KLF12: variants seen among roughly 807,000 people sequenced by gnomAD.
KLF12 encodes KLF transcription factor 12, also known as Krueppel-like factor 12.
Under a neutral mutation model 37.8 loss-of-function variants are expected in KLF12, and 9 were observed. The ratio of observed to expected loss-of-function variants is 0.24; its 90% CI spans 0.14 to 0.42. KLF12 has a LOEUF of 0.42. Ranked by LOEUF, KLF12 falls within the 10% of genes least tolerant of loss-of-function variation. KLF12 has a pLI of 1.00. For missense variants in KLF12, 411 were observed against 516.0 expected, an observed-to-expected ratio of 0.80 and a Z score of 1.97; for synonymous variants, 208 against 202.1, an observed-to-expected ratio of 1.03 and a Z score of -0.25.
intron 4 of KLF12, among the ~76,000 whole-genome samples, chr13:73,822,578 A>G (rs941120506): frequency 2.6e-5 from 4 of 152,204 alleles, no homozygotes; most frequent in African/African-American, 7.2e-5. Context: ...AAAAAATAAT[A>G]ATAAAATATA....
intron 3 of KLF12, among the ~76,000 whole-genome samples, chr13:73,893,725 AT>A (rs1246231304): frequency 6.6e-6 from 1 of 152,080 alleles, no homozygotes; most frequent in Admixed American, 6.6e-5. Flanking sequence ...TTCTATACAG[AT>A]TTTTTTAAAT....
chr13:73,832,112 T>C (rs1884192326), intron 4 of KLF12, among the ~76,000 whole-genome samples: 3 of 152,324 alleles, frequency 2.0e-5, no homozygotes, highest in South Asian at 4.1e-4. Flanking sequence ...GTACATGTAA[T>C]GTAGACAACA....
rs774208211 is a variant in KLF12, at chr13:74,059,730, C to A, written c.-31-64677G>T. Among the ~76,000 whole-genome samples, 9 of 152,144 alleles carry A rather than the reference C, an allele frequency of 5.9e-5. No individual in the cohort carries two copies. In the South Asian group the frequency reaches 8.3e-4, roughly 14 times the overall value. ...ATGTTTTCTCCCATTCTGTAGATTG[C>A]CTGTTTATTTTGTTGATTATTTCTT... On this transcript the variant is annotated intron_variant, in intron 1 of 7. Coordinates refer to ENST00000377669, the MANE Select transcript of KLF12 (RefSeq NM_007249.5).
chr13:73,786,485 CT>C (rs1263400383), intron 5 of KLF12, among the ~76,000 whole-genome samples: 2 of 152,082 alleles, frequency 1.3e-5, no homozygotes, highest in African/African-American at 4.8e-5. Flanking sequence ...ACCTTTTCCC[CT>C]AGGCTTGTAT....
intron 3 of KLF12, among the ~76,000 whole-genome samples, chr13:73,885,438 A>G (rs955484856): frequency 6.6e-6 from 1 of 152,190 alleles, no homozygotes; most frequent in Non-Finnish European, 1.5e-5. Context: ...AGTCCCAGTC[A>G]CCATGATCTC....
At chr13:74,098,695 G>A (rs953696480) in intron 1 of KLF12, among the ~76,000 whole-genome samples, 4 of 152,138 alleles carry the variant, frequency 2.6e-5, no homozygotes, top group African/African-American at 9.7e-5. Flanking sequence ...TAGCCAATAC[G>A]ACAAGAAAGA....
intron 1 of KLF12, among the ~76,000 whole-genome samples, chr13:74,120,351 A>G (rs1034926320): frequency 6.6e-6 from 1 of 152,132 alleles, no homozygotes; most frequent in Non-Finnish European, 1.5e-5. Context: ...GCGTGGTGGC[A>G]GGCGCCTATC....
At chr13:74,092,616 A>G (rs1054195496) in intron 1 of KLF12, among the ~76,000 whole-genome samples, 1 of 151,674 alleles carries the variant, frequency 6.6e-6, no homozygotes, top group Non-Finnish European at 1.5e-5. Flanking sequence ...AGAGACTCCA[A>G]CTCAAAAAAC....
the KLF12 span, among the ~76,000 whole-genome samples, chr13:74,234,591 G>C: frequency 2.6e-5 from 4 of 152,110 alleles, no homozygotes; most frequent in Admixed American, 2.6e-4. Flanking sequence ...CCAACAGAAT[G>C]AAGTCAGAAA....
At chr13:74,245,334 TATC>T in the KLF12 span, among the ~76,000 whole-genome samples, 19 of 146,056 alleles carry the variant, frequency 1.3e-4, no homozygotes, top group Non-Finnish European at 2.1e-4. Context: ...TCTATCTATC[TATC>T]TATCATCTAC....
At chr13:73,994,844 A>G in intron 2 of KLF12, 146 bp downstream of exon 2, 3 of 595,824 alleles carry the variant, frequency 5.0e-6, no homozygotes, top group Non-Finnish European at 8.8e-6. Context: ...AGGAAAAATT[A>G]CATTTTACAG....
chr13:74,047,554 G>A (rs1893579471), intron 1 of KLF12, among the ~76,000 whole-genome samples: 1 of 151,308 alleles, frequency 6.6e-6, no homozygotes, highest in East Asian at 1.9e-4. Context: ...CCGAGATCCA[G>A]CCACTGCATT....
intron 4 of KLF12, among the ~76,000 whole-genome samples, chr13:73,832,191 T>G (rs1429508818): frequency 6.6e-6 from 1 of 152,190 alleles, no homozygotes. Context: ...ACAAGCACAG[T>G]ATTCCTCATT....
intron 3 of KLF12, among the ~76,000 whole-genome samples, chr13:73,898,238 G>A (rs1887879135): frequency 1.3e-5 from 2 of 152,060 alleles, no homozygotes; most frequent in South Asian, 4.1e-4. Context: ...CTGTGCCTGT[G>A]ACAAAATAAA....
At chr13:73,701,033 G>T (rs1196877633) in intron 7 of KLF12, among the ~76,000 whole-genome samples, 2 of 152,190 alleles carry the variant, frequency 1.3e-5, no homozygotes, top group African/African-American at 4.8e-5. Context: ...GAACAGAATT[G>T]TCTTTTTTGT....
At chr13:74,259,611 T>C in the KLF12 span, 1 of 152,226 alleles carries the variant, frequency 6.6e-6, no homozygotes, top group African/African-American at 2.4e-5. Flanking sequence ...CAAATGCCTT[T>C]TTTAAAACCC....
At chr13:73,947,549 G>T (rs1387879040) in intron 2 of KLF12, among the ~76,000 whole-genome samples, 1 of 151,156 alleles carries the variant, frequency 6.6e-6, no homozygotes, top group Non-Finnish European at 1.5e-5. Flanking sequence ...TACTGAGGAG[G>T]CTGAGGCAGA....
chr13:73,705,685 C>G (rs1193275651), intron 7 of KLF12, among the ~76,000 whole-genome samples: 1 of 151,938 alleles, frequency 6.6e-6, no homozygotes. Flanking sequence ...TTAATTTTAC[C>G]ATTTAGGATA....
At chr13:74,072,109 T>C (rs1239325907) in intron 1 of KLF12, among the ~76,000 whole-genome samples, 4 of 151,952 alleles carry the variant, frequency 2.6e-5, no homozygotes, top group African/African-American at 4.8e-5. Flanking sequence ...AATGCAAATT[T>C]ACCTGGAAAT....
Sources: gnomAD v4.1 joint callset for allele counts (sites outside exome capture counted in the v4.1 genomes callset) on GRCh38, gnomAD v4.1.1 for gene constraint, MANE v1.5 for transcripts, NCBI Gene and HGNC (gene_info 2026-07-23, HGNC 2026-07-21) for gene names.